PLD5: variants seen among roughly 807,000 people sequenced by gnomAD.
PLD5 encodes the protein phospholipase D family member 5.
PLD5 carries 36 observed loss-of-function variants against 61.1 expected under a neutral mutation model. The observed-to-expected ratio is 0.59, with a 90% CI of 0.45 to 0.78. The LOEUF (loss-of-function observed/expected upper bound fraction) is 0.78, where lower values mean the gene tolerates loss of function less well. Ranked by LOEUF, PLD5 falls within the 30% of genes least tolerant of loss-of-function variation. The probability of loss-of-function intolerance (pLI) is 0.00; values close to 1 mark genes in which losing one functional copy is unlikely to be tolerated. For synonymous variants in PLD5, 243 were observed against 242.8 expected, an observed-to-expected ratio of 1.00 and a Z score of -0.01; for missense variants, 515 against 644.4, an observed-to-expected ratio of 0.80 and a Z score of 2.17.
At chr1:242,208,433 A>C (rs1669581802) in intron 5 of PLD5, among the ~76,000 whole-genome samples, 1 of 152,172 alleles carries the variant, frequency 6.6e-6, no homozygotes, top group Non-Finnish European at 1.5e-5. Context: ...ACCCATTTAA[A>C]TTAAACCCAT....
At chr1:242,169,882 G>A (rs1666614981) in intron 5 of PLD5, among the ~76,000 whole-genome samples, 1 of 152,202 alleles carries the variant, frequency 6.6e-6, no homozygotes, top group African/African-American at 2.4e-5. Context: ...TGCCTTTCTA[G>A]ATATCTCCTC....
intron 6 of PLD5, 103 bp downstream of exon 6, chr1:242,124,365 A>G (rs1027796668): frequency 2.8e-6 from 3 of 1,090,318 alleles, no homozygotes; most frequent in African/African-American, 1.6e-5. Context: ...GAACCACTGT[A>G]ATTCATTTTT....
chr1:242,288,497 A>G lies in PLD5; in HGVS notation c.360T>C (p.Leu120=). 1.3e-6 allele frequency: 2 copies of G among 1,599,290 alleles called. No individual in the cohort carries two copies. The highest frequency in any genetic ancestry group is 1.7e-6 in the Non-Finnish European group (2 of 1,175,378). ...IALVENIPEG[L]NYSENAPFHL... ...GAAATGGTGCATTTTCTGAATAGTT[A>G]AGGCCTTCAGGAATATTTTCCACCA... Residue 120 remains leucine (L), a synonymous_variant, in exon 3 of 10, where the codon CTT becomes CTC. Transcript: ENST00000536534.
At chr1:242,472,036 G>A (rs1316944024) in intron 1 of PLD5, among the ~76,000 whole-genome samples, 1 of 152,150 alleles carries the variant, frequency 6.6e-6, no homozygotes, top group Non-Finnish European at 1.5e-5. Context: ...TAACCCACAA[G>A]ATTATGTATT....
chr1:242,502,906 C>G (rs1441727723), intron 1 of PLD5, among the ~76,000 whole-genome samples: 1 of 152,010 alleles, frequency 6.6e-6, no homozygotes, highest in Non-Finnish European at 1.5e-5. Context: ...ACTAAAAATA[C>G]AAAAATTAGC....
intron 1 of PLD5, among the ~76,000 whole-genome samples, chr1:242,477,190 C>T (rs1309397724): frequency 2.0e-5 from 3 of 151,816 alleles, no homozygotes; most frequent in Non-Finnish European, 2.9e-5. Context: ...GTAGAGGTTG[C>T]GGTGAGCTGA....
intron 1 of PLD5, among the ~76,000 whole-genome samples, chr1:242,489,168 C>T (rs1474814284): frequency 1.3e-5 from 2 of 152,010 alleles, no homozygotes; most frequent in Non-Finnish European, 2.9e-5. Context: ...AACTCATCTC[C>T]AGTGACAGAA....
At chr1:242,434,124 C>A (rs186956539) in intron 1 of PLD5, among the ~76,000 whole-genome samples, 26 of 152,288 alleles carry the variant, frequency 1.7e-4, no homozygotes, top group Admixed American at 2.6e-4. Flanking sequence ...CTGCAGGCAG[C>A]AAGGCTGGAA....
chr1:242,460,702 G>A (rs1026891399), intron 1 of PLD5, among the ~76,000 whole-genome samples: 6 of 152,052 alleles, frequency 3.9e-5, no homozygotes, highest in African/African-American at 1.2e-4. Context: ...TTACACATAA[G>A]AATGAGCACA....
chr1:242,154,033 G>T (rs3006358), intron 5 of PLD5, among the ~76,000 whole-genome samples: 127,994 of 152,044 alleles, frequency 0.84, 54,368 homozygotes, highest in African/African-American at 0.95. Flanking sequence ...TTGAGCAGTG[G>T]TTTGTAGTTC....
At position 242,499,613 on chromosome 1, in the gene PLD5, T is replaced by G. The variant is rs540749024; in HGVS notation, c.189+24475A>C. ...TTTTCACTTTTTGTTTGTTTTAGTGTAAGTGTAATTGGCAATAAGATGGGC... is the reference window on the plus strand; with the variant it reads ...TTTTCACTTTTTGTTTGTTTTAGTGGAAGTGTAATTGGCAATAAGATGGGC... On this transcript the variant is annotated intron_variant, in intron 1 of 9. Coordinates refer to ENST00000536534, the MANE Select transcript of PLD5 (RefSeq NM_001372062.1). Among the ~76,000 whole-genome samples the G allele has an allele frequency of 2.6e-5, 4 of 152,306 alleles. No individual in the cohort carries two copies. In the South Asian group the frequency reaches 8.3e-4, roughly 32 times the overall value.
chr1:242,475,125 AAGAG>A (rs1023900780), intron 1 of PLD5, among the ~76,000 whole-genome samples: 5 of 152,232 alleles, frequency 3.3e-5, no homozygotes, highest in African/African-American at 9.6e-5. Flanking sequence ...GGTGTCAAAT[AAGAG>A]AGAGACTCAT....
intron 5 of PLD5, among the ~76,000 whole-genome samples, chr1:242,128,223 T>C (rs1373427369): frequency 1.3e-5 from 2 of 151,986 alleles, no homozygotes; most frequent in African/African-American, 4.8e-5. Flanking sequence ...GAGGATCCCT[T>C]GAGCCCAGGA....
chr1:242,240,031 T>C (rs57708720), intron 4 of PLD5, among the ~76,000 whole-genome samples: 19,116 of 152,240 alleles, frequency 0.13, 1,314 homozygotes, highest in South Asian at 0.16. Flanking sequence ...CCTTAGATTT[T>C]CTACCAGGAA....
chr1:242,460,750 G>A (rs1268892376), intron 1 of PLD5, among the ~76,000 whole-genome samples: 1 of 151,952 alleles, frequency 6.6e-6, no homozygotes, highest in African/African-American at 2.4e-5. Flanking sequence ...TGGGAATATA[G>A]TGCCAAAATA....
At chr1:242,208,756 T>C (rs552764586) in intron 5 of PLD5, among the ~76,000 whole-genome samples, 1 of 151,664 alleles carries the variant, frequency 6.6e-6, no homozygotes, top group South Asian at 2.1e-4. Context: ...AGAGATGGCC[T>C]GTTTTCATCT....
Position 242,113,978 on chromosome 1 carries a change from C to T in PLD5, c.982G>A (p.Ala328Thr). ...GCATCATCTATCACACTGTAGATGGCATCTATGTCAAAACTTCTGTTTTTA... is the reference window on the plus strand; with the variant it reads ...GCATCATCTATCACACTGTAGATGGTATCTATGTCAAAACTTCTGTTTTTA... ...CPKNRSFDID[A>T]IYSVIDDAKQ... The change falls in exon 7 of 10, where the codon GCC (alanine) becomes ACC (threonine). Residue 328 changes from alanine to threonine, a missense_variant. This residue lies in a region of PLD5 where 450 missense variants were observed against 598.1 expected (regional missense o/e 0.75). Coordinates refer to ENST00000536534, the MANE Select transcript of PLD5 (RefSeq NM_001372062.1). The T allele has an allele frequency of 6.2e-7, 1 of 1,613,964 alleles. No homozygotes were observed.
chr1:242,352,177 A>G (rs1476591206), intron 1 of PLD5, among the ~76,000 whole-genome samples: 12 of 152,160 alleles, frequency 7.9e-5, no homozygotes, highest in Non-Finnish European at 1.3e-4. Context: ...CTCCAATCTT[A>G]GGCTTTGTAC....
intron 1 of PLD5, among the ~76,000 whole-genome samples, chr1:242,405,603 CTTT>C (rs57665543): frequency 0.4 from 57,870 of 145,414 alleles, 11,699 homozygotes; most frequent in African/African-American, 0.51. Context: ...ATATTTGATA[CTTT>C]TTTTTTTTTT....
Sources: allele counts gnomAD v4.1 joint callset (sites outside exome capture counted in the v4.1 genomes callset), GRCh38; gene constraint gnomAD v4.1.1; regional missense constraint gnomAD v4.1.1; transcripts MANE v1.5; gene names NCBI Gene and HGNC (gene_info 2026-07-23, HGNC 2026-07-21).